RILPL1: variants seen among roughly 807,000 people sequenced by gnomAD.
RILPL1 encodes Rab interacting lysosomal protein like 1, also known as RILP-like protein 1.
In RILPL1, 33 loss-of-function variants were observed where a neutral mutation model predicts 50.3. The ratio of observed to expected loss-of-function variants is 0.66; its 90% CI spans 0.50 to 0.88. The LOEUF (loss-of-function observed/expected upper bound fraction) is 0.88, where lower values mean the gene tolerates loss of function less well. Ranked by LOEUF, RILPL1 falls within the 40% of genes least tolerant of loss-of-function variation. The probability of loss-of-function intolerance (pLI) is 0.00; values close to 1 mark genes in which losing one functional copy is unlikely to be tolerated. For missense variants in RILPL1, 418 were observed against 542.5 expected (o/e 0.77, Z 2.28); for synonymous variants, 205 against 228.6 (o/e 0.90, Z 0.93).
chr12:123,499,633 C>A (rs962298228), intron 2 of RILPL1, 97 bp from the exon 3 acceptor site: 1 of 896,774 alleles, frequency 1.1e-6, no homozygotes, highest in Non-Finnish European at 1.8e-6. Context: ...GTCTTAGTGG[C>A]CCCCCGGCCT....
At chr12:123,519,583 T>G (rs1485762632) in intron 2 of RILPL1, 4 of 152,572 alleles carry the variant, frequency 2.6e-5, no homozygotes, top group Non-Finnish European at 5.9e-5. Context: ...GGTCTACCCC[T>G]GGCCTCTGCC....
intron 2 of RILPL1, chr12:123,515,597 C>T (rs1172388556): frequency 6.6e-6 from 1 of 151,602 alleles, no homozygotes; most frequent in Non-Finnish European, 1.5e-5. Context: ...TTACAGGTGC[C>T]CGCCACCATG....
chr12:123,481,359 A>C (rs1266231895), intron 6 of RILPL1, among the ~76,000 whole-genome samples: 4 of 113,350 alleles, frequency 3.5e-5, no homozygotes, highest in Non-Finnish European at 6.9e-5. Context: ...ACTCCCTCTC[A>C]AAAAAAAAAA....
At chr12:123,496,103 C>T (rs146415547) in intron 4 of RILPL1, among the ~76,000 whole-genome samples, 100 of 152,078 alleles carry the variant, frequency 6.6e-4, no homozygotes, top group Admixed American at 6.0e-3. Flanking sequence ...ACCTCCACGT[C>T]CCGGGTTCAA....
intron 2 of RILPL1, among the ~76,000 whole-genome samples, chr12:123,511,953 T>TGG (rs1566136467): frequency 1.2e-5 from 1 of 84,432 alleles, no homozygotes; most frequent in East Asian, 4.0e-4. Flanking sequence ...TGTGTGTGTG[T>TGG]GGTGTGAGAT....
At position 123,533,718 on chromosome 12, in the gene RILPL1, G is replaced by C. The variant is rs1237518959; in HGVS notation, c.-236C>G. On this transcript the variant is annotated 5_prime_UTR_variant, in exon 1 of 7. Transcript: ENST00000376874. This position sits in a 1 kb window ranked among gnomAD's most constrained non-coding sequence, Gnocchi z 6.2. ...CGGCTCGGCCCGGAGCTGCTCCCGA[G>C]TGGGCGGCGGCGGCGGCGGCGGCGG... The C allele has an allele frequency of 5.9e-6, 1 of 169,732 alleles. No individual in the cohort carries two copies. The highest frequency in any genetic ancestry group is 1.2e-5 in the Non-Finnish European group (1 of 85,864). The allele number at this position is 169,732 out of a possible 1,614,324, so 10.5% of individuals were successfully genotyped here.
intron 6 of RILPL1, among the ~76,000 whole-genome samples, chr12:123,479,962 C>A (rs913390763): frequency 5.3e-5 from 8 of 152,148 alleles, no homozygotes; most frequent in African/African-American, 1.9e-4. Context: ...GATAACTTTC[C>A]TCTGGATTTC....
chr12:123,479,125 C>G (rs1881794283), intron 6 of RILPL1, among the ~76,000 whole-genome samples: 1 of 151,910 alleles, frequency 6.6e-6, no homozygotes, highest in Admixed American at 6.6e-5. Context: ...GGGGTGGGAG[C>G]AGAAAAGGAA....
In RILPL1 at chr12:123,533,060, C is replaced by T. The variant is rs905057156; in HGVS notation, c.309+114G>A. 4.2e-6 allele frequency: 5 copies of T among 1,188,372 alleles called. No homozygotes were observed. Among genetic ancestry groups the T allele is most frequent in the Admixed American group, 5.3e-5 (2 of 37,694 alleles). The allele number at this position is 1,188,372 out of a possible 1,614,324, so 73.6% of individuals were successfully genotyped here. ...CCTCCCTCCCCACGTCGGGTCTCCT[C>T]TGGTCCGGTCCCTGAACACACACAC... On this transcript the variant is annotated intron_variant, in intron 1 of 6. Coordinates refer to ENST00000376874, the MANE Select transcript of RILPL1 (RefSeq NM_178314.5). This position sits in a 1 kb window ranked among gnomAD's most constrained non-coding sequence, Gnocchi z 6.2.
intron 6 of RILPL1, among the ~76,000 whole-genome samples, chr12:123,477,312 G>T (rs1369129423): frequency 8.7e-5 from 13 of 149,782 alleles, no homozygotes; most frequent in African/African-American, 3.2e-4. Context: ...GGAGTTAGGA[G>T]TTGGTATCTT....
chr12:123,521,620 TATATATATA>T (rs1566144246), intron 2 of RILPL1, among the ~76,000 whole-genome samples: 201 of 6,750 alleles, frequency 0.03, 5 homozygotes, highest in African/African-American at 0.051. Context: ...CACATATGTG[TATATATATA>T]CACACATATG....
Position 123,533,227 on chromosome 12 carries a change from G to T in RILPL1, c.256C>A (p.Arg86Ser). ...ELDELRLELDRLRLERMDRIE... is the reference protein window; with the variant it reads ...ELDELRLELDSLRLERMDRIE... ...CGGTCCATCCTCTCCAGGCGCAGGCGGTCCAGCTCCAGGCGCAGCTCGTCC... is the reference window on the plus strand; with the variant it reads ...CGGTCCATCCTCTCCAGGCGCAGGCTGTCCAGCTCCAGGCGCAGCTCGTCC... The change falls in exon 1 of 7, where the codon CGC becomes AGC. Residue 86 changes from arginine (R) to serine (S), a missense_variant. Coordinates refer to ENST00000376874, the MANE Select transcript of RILPL1 (RefSeq NM_178314.5). This position sits in a 1 kb window ranked among gnomAD's most constrained non-coding sequence, Gnocchi z 6.2. 6.3e-7 allele frequency: 1 copy of T among 1,592,562 alleles called. No individual in the cohort carries two copies.
chr12:123,497,601 A>C (rs1883108812), intron 4 of RILPL1, among the ~76,000 whole-genome samples: 1 of 152,132 alleles, frequency 6.6e-6, no homozygotes, highest in Admixed American at 6.6e-5. Flanking sequence ...CATGTTGGCC[A>C]GGCTGATCCT....
chr12:123,527,437 G>A (rs945284642), intron 1 of RILPL1, among the ~76,000 whole-genome samples: 14 of 151,952 alleles, frequency 9.2e-5, no homozygotes, highest in African/African-American at 3.4e-4. Flanking sequence ...TCAGGAGTTC[G>A]AGACCAGCCT....
At chr12:123,481,683 A>C (rs1016114999) in intron 6 of RILPL1, among the ~76,000 whole-genome samples, 3 of 151,726 alleles carry the variant, frequency 2.0e-5, no homozygotes, top group African/African-American at 7.3e-5. Flanking sequence ...CAGCCTCCCA[A>C]GTAGCTGGGA....
intron 2 of RILPL1, among the ~76,000 whole-genome samples, chr12:123,506,725 C>T (rs1033442965): frequency 6.6e-6 from 1 of 152,126 alleles, no homozygotes; most frequent in South Asian, 2.1e-4. Context: ...AAAATGGGCA[C>T]GTGAATTATT....
chr12:123,500,075 G>GC (rs1245017590), intron 2 of RILPL1, among the ~76,000 whole-genome samples: 13 of 150,976 alleles, frequency 8.6e-5, no homozygotes, highest in African/African-American at 1.7e-4. Flanking sequence ...GGGACTACAG[G>GC]GCCCACCACC....
At chr12:123,525,703 A>T (rs1347165729) in intron 1 of RILPL1, among the ~76,000 whole-genome samples, 1 of 90,066 alleles carries the variant, frequency 1.1e-5, no homozygotes, top group African/African-American at 3.6e-5. Flanking sequence ...ACTGTCTCAA[A>T]AAAAAAAAAA....
At chr12:123,505,944 C>T (rs762566239) in intron 2 of RILPL1, among the ~76,000 whole-genome samples, 3 of 152,204 alleles carry the variant, frequency 2.0e-5, no homozygotes, top group Non-Finnish European at 2.9e-5. Context: ...TTATTGAGCA[C>T]CTTCTGTGTA....
Sources: allele counts gnomAD v4.1 joint callset (sites outside exome capture counted in the v4.1 genomes callset), GRCh38; gene constraint gnomAD v4.1.1; non-coding constraint Gnocchi (gnomAD v3.1); transcripts MANE v1.5; gene names NCBI Gene and HGNC (gene_info 2026-07-23, HGNC 2026-07-21).